SPAG16: variants seen among roughly 807,000 people sequenced by gnomAD.
SPAG16 encodes sperm associated antigen 16, also known as sperm-associated antigen 16 protein.
Under a neutral mutation model 80.4 loss-of-function variants are expected in SPAG16, and 86 were observed. The ratio of observed to expected loss-of-function variants is 1.07; its 90% confidence interval spans 0.90 to 1.28. SPAG16 has a LOEUF of 1.28. Ranked by LOEUF, SPAG16 falls within the 50% of genes most tolerant of loss-of-function variation. The pLI is 0.00. For synonymous variants in SPAG16, 294 were observed against 265.9 expected, an observed-to-expected ratio of 1.11 and a Z score of -1.03; for missense variants, 870 against 765.3, an observed-to-expected ratio of 1.14 and a Z score of -1.61.
intron 15 of SPAG16, among the ~76,000 whole-genome samples, chr2:214,368,493 T>C (rs4672706): frequency 1 from 152,108 of 152,138 alleles, 76,039 homozygotes; most frequent in Middle Eastern, 1. Flanking sequence ...ATTTTTGTTC[T>C]ATTTCATCCT....
chr2:213,380,230 G>T (rs2067099212), intron 9 of SPAG16, among the ~76,000 whole-genome samples: 1 of 152,214 alleles, frequency 6.6e-6, no homozygotes, highest in South Asian at 2.1e-4. Context: ...CCACTGGGAA[G>T]ATTTCCCTTC....
chr2:214,039,096 T>G (rs2125083181), intron 13 of SPAG16, among the ~76,000 whole-genome samples: 1 of 152,284 alleles, frequency 6.6e-6, no homozygotes, highest in Admixed American at 6.5e-5. Flanking sequence ...TTTCTAGTTC[T>G]AGATCCCTGA....
intron 10 of SPAG16, among the ~76,000 whole-genome samples, chr2:213,831,150 C>T (rs1486302556): frequency 6.7e-6 from 1 of 150,280 alleles, no homozygotes; most frequent in Non-Finnish European, 1.5e-5. Flanking sequence ...AGCGATTCTC[C>T]TGCCTCAGCC....
chr2:213,629,921 C>A (rs963206384), intron 10 of SPAG16, among the ~76,000 whole-genome samples: 1 of 152,224 alleles, frequency 6.6e-6, no homozygotes. Flanking sequence ...GGACCTCTGA[C>A]CCTCTGGCTT....
At chr2:213,522,652 A>G (rs1168015097) in intron 10 of SPAG16, among the ~76,000 whole-genome samples, 1 of 152,156 alleles carries the variant, frequency 6.6e-6, no homozygotes, top group East Asian at 1.9e-4. Context: ...GCACACCCCA[A>G]CACTGGGCAG....
chr2:213,840,303 A>C (rs1341168585), intron 10 of SPAG16, among the ~76,000 whole-genome samples: 3 of 152,158 alleles, frequency 2.0e-5, no homozygotes, highest in Non-Finnish European at 4.4e-5. Flanking sequence ...TCCAGAAGAC[A>C]TTATACTGTT....
intron 12 of SPAG16, among the ~76,000 whole-genome samples, chr2:213,968,911 A>G (rs544447620): frequency 2.0e-5 from 3 of 152,222 alleles, no homozygotes; most frequent in Admixed American, 6.5e-5. Context: ...TCCCATTCTC[A>G]AGTGTGACAT....
chr2:214,092,264 T>A (rs2125319190), intron 13 of SPAG16, among the ~76,000 whole-genome samples: 1 of 152,206 alleles, frequency 6.6e-6, no homozygotes, highest in East Asian at 1.9e-4. Flanking sequence ...TGTTAATAGA[T>A]GTTACCAAAT....
chr2:213,390,995 C>T (rs866587488), intron 9 of SPAG16, among the ~76,000 whole-genome samples: 40 of 152,208 alleles, frequency 2.6e-4, no homozygotes, highest in African/African-American at 9.4e-4. Flanking sequence ...TATGGCCAGG[C>T]GCGGTGACTC....
chr2:213,974,402 A>G (rs1575695467), intron 12 of SPAG16, among the ~76,000 whole-genome samples: 2 of 152,054 alleles, frequency 1.3e-5, no homozygotes, highest in East Asian at 3.8e-4. Context: ...AATAAATAAA[A>G]GATTTGCTTA....
intron 15 of SPAG16, among the ~76,000 whole-genome samples, chr2:214,228,937 A>G (rs1371130106): frequency 6.6e-6 from 1 of 151,914 alleles, no homozygotes; most frequent in Non-Finnish European, 1.5e-5. Flanking sequence ...CTCCATTAAC[A>G]AACTCATAAT....
intron 9 of SPAG16, 150 bp downstream of exon 9, chr2:213,375,269 A>G (rs1221076447): frequency 5.8e-6 from 3 of 517,308 alleles, no homozygotes; most frequent in Non-Finnish European, 1.0e-5. Flanking sequence ...CAGTGGAGGT[A>G]TCCAAATGTT....
chr2:213,501,332 T>G (rs1685298093), intron 10 of SPAG16, among the ~76,000 whole-genome samples: 1 of 152,210 alleles, frequency 6.6e-6, no homozygotes, highest in African/African-American at 2.4e-5. Flanking sequence ...GAACATTTAT[T>G]AAGCTGATAA....
chr2:213,475,792 A>T (rs149013491), intron 9 of SPAG16, among the ~76,000 whole-genome samples: 130 of 152,330 alleles, frequency 8.5e-4, no homozygotes, highest in Middle Eastern at 6.8e-3. Flanking sequence ...ATGGAAATAG[A>T]TCCTTCTCAA....
At chr2:213,852,051 T>C (rs1052006811) in intron 10 of SPAG16, among the ~76,000 whole-genome samples, 19 of 152,262 alleles carry the variant, frequency 1.2e-4, no homozygotes, top group Non-Finnish European at 7.3e-5. Flanking sequence ...TTTTAAATTA[T>C]TGTGTTTTGT....
At chr2:214,242,578 T>G (rs1689569881) in intron 15 of SPAG16, among the ~76,000 whole-genome samples, 1 of 152,114 alleles carries the variant, frequency 6.6e-6, no homozygotes, top group African/African-American at 2.4e-5. Flanking sequence ...AATATTTTGT[T>G]TCAAAAAATA....
chr2:214,265,646 T>G (rs55768746), intron 15 of SPAG16, among the ~76,000 whole-genome samples: 8,853 of 152,032 alleles, frequency 0.058, 892 homozygotes, highest in African/African-American at 0.2. Context: ...GATCAAACTT[T>G]TGGTACTGTA....
chr2:214,362,535 G>A (rs1699247142), intron 15 of SPAG16, among the ~76,000 whole-genome samples: 1 of 151,750 alleles, frequency 6.6e-6, no homozygotes, highest in Non-Finnish European at 1.5e-5. Context: ...TTAATGCGGG[G>A]AATCCTGACA....
chr2:213,794,412 C>T (rs2070892710), intron 10 of SPAG16, among the ~76,000 whole-genome samples: 1 of 152,068 alleles, frequency 6.6e-6, no homozygotes, highest in Admixed American at 6.6e-5. Context: ...AACAAAGTAT[C>T]TAGGCTCTCT....
Sources: allele counts gnomAD v4.1 joint callset (sites outside exome capture counted in the v4.1 genomes callset), GRCh38; gene constraint gnomAD v4.1.1; transcripts MANE v1.5; gene names NCBI Gene and HGNC (gene_info 2026-07-23, HGNC 2026-07-21).